THSD7B: variants seen among roughly 807,000 people sequenced by gnomAD.
The protein encoded by THSD7B is thrombospondin type 1 domain containing 7B.
In THSD7B, 138 loss-of-function variants were observed where a neutral mutation model predicts 213.6. The observed-to-expected ratio is 0.65, with a 90% confidence interval of 0.56 to 0.74. THSD7B has a LOEUF of 0.74. Ranked by LOEUF, THSD7B falls within the 30% of genes least tolerant of loss-of-function variation. The pLI, the probability that THSD7B is intolerant of heterozygous loss-of-function variation, is 0.00. For synonymous variants in THSD7B, 742 were observed against 687.0 expected, an observed-to-expected ratio of 1.08 and a Z score of -1.25; for missense variants, 1,931 against 1,991.5, an observed-to-expected ratio of 0.97 and a Z score of 0.58.
At chr2:137,341,107 CTTG>C (rs1684752011) in intron 12 of THSD7B, among the ~76,000 whole-genome samples, 1 of 150,556 alleles carries the variant, frequency 6.6e-6, no homozygotes, top group Non-Finnish European at 1.5e-5. Flanking sequence ...CTTGCCAACA[CTTG>C]TTATCTTTTA....
intron 15 of THSD7B, among the ~76,000 whole-genome samples, chr2:137,513,972 T>C (rs2105156329): frequency 6.6e-6 from 1 of 152,378 alleles, no homozygotes; most frequent in South Asian, 2.1e-4. Context: ...AGTTGCTTTC[T>C]ATCTCTATGC....
At chr2:136,866,914 T>A (rs1683343012) in intron 1 of THSD7B, among the ~76,000 whole-genome samples, 1 of 150,238 alleles carries the variant, frequency 6.7e-6, no homozygotes, top group Non-Finnish European at 1.5e-5. Context: ...TCCATATGTG[T>A]TTGAGGTTGC....
At chr2:137,441,387 G>A (rs560920898) in intron 14 of THSD7B, among the ~76,000 whole-genome samples, 5 of 152,194 alleles carry the variant, frequency 3.3e-5, no homozygotes, top group African/African-American at 1.2e-4. Context: ...TTATTGTAGA[G>A]AATATTTGAC....
chr2:137,415,073 T>C (rs1034218423), intron 14 of THSD7B, among the ~76,000 whole-genome samples: 1 of 72,216 alleles, frequency 1.4e-5, no homozygotes, highest in Non-Finnish European at 3.4e-5. Context: ...AAAAAAAAAT[T>C]ATTATCATGG....
intron 14 of THSD7B, among the ~76,000 whole-genome samples, 167 bp from the exon 15 acceptor site, chr2:137,450,678 G>A (rs1165071748): frequency 6.6e-6 from 1 of 152,114 alleles, no homozygotes; most frequent in Non-Finnish European, 1.5e-5. Context: ...GAATGCAGAT[G>A]TCATATTTAT....
intron 15 of THSD7B, among the ~76,000 whole-genome samples, chr2:137,545,884 G>C (rs1680697663): frequency 6.6e-6 from 1 of 151,742 alleles, no homozygotes; most frequent in Admixed American, 6.6e-5. Context: ...TCTGCCTGTA[G>C]TTATGCATGG....
chr2:136,854,690 A>T (rs1476164515), intron 1 of THSD7B, among the ~76,000 whole-genome samples: 1 of 151,410 alleles, frequency 6.6e-6, no homozygotes, highest in East Asian at 1.9e-4. Context: ...CAACTAGATC[A>T]CTTTCAATGA....
intron 15 of THSD7B, among the ~76,000 whole-genome samples, chr2:137,497,824 T>A (rs1679606316): frequency 6.6e-6 from 1 of 152,184 alleles, no homozygotes; most frequent in South Asian, 2.1e-4. Flanking sequence ...ATTTTTAAAG[T>A]CCCACATATG....
chr2:137,625,873 C>T (rs1682617349), intron 20 of THSD7B, among the ~76,000 whole-genome samples: 1 of 152,244 alleles, frequency 6.6e-6, no homozygotes, highest in Non-Finnish European at 1.5e-5. Flanking sequence ...CTTTCTGACA[C>T]ATCCTCTGAA....
chr2:137,166,020 C>G (rs182162811), intron 6 of THSD7B, among the ~76,000 whole-genome samples: 55 of 152,268 alleles, frequency 3.6e-4, no homozygotes, highest in Middle Eastern at 3.4e-3. Flanking sequence ...AAATTAGTTA[C>G]TATAGAAATT....
At chr2:137,039,540 T>A (rs1035862182) in intron 2 of THSD7B, among the ~76,000 whole-genome samples, 1 of 152,174 alleles carries the variant, frequency 6.6e-6, no homozygotes, top group African/African-American at 2.4e-5. Flanking sequence ...AGTGCCAAAC[T>A]TGAGGAAGTT....
intron 12 of THSD7B, among the ~76,000 whole-genome samples, chr2:137,324,570 G>T (rs192323146): frequency 2.6e-5 from 4 of 152,094 alleles, no homozygotes; most frequent in Non-Finnish European, 5.9e-5. Flanking sequence ...AGTTAAAGGG[G>T]TATAAATTAC....
chr2:137,531,646 A>G (rs993981589), intron 15 of THSD7B, among the ~76,000 whole-genome samples: 2 of 151,994 alleles, frequency 1.3e-5, no homozygotes, highest in African/African-American at 4.8e-5. Flanking sequence ...GACCAGTTAC[A>G]CCTGCAGTTA....
At chr2:137,076,402 T>G (rs956464010) in intron 3 of THSD7B, among the ~76,000 whole-genome samples, 1 of 152,344 alleles carries the variant, frequency 6.6e-6, no homozygotes, top group South Asian at 2.1e-4. Context: ...GTGAGGGATA[T>G]AATCTCCTGG....
chr2:137,157,264 G>C (rs1679926921), intron 5 of THSD7B, among the ~76,000 whole-genome samples: 1 of 152,178 alleles, frequency 6.6e-6, no homozygotes, highest in South Asian at 2.1e-4. Flanking sequence ...TTGTGAGCTG[G>C]TGCCCCACAG....
intron 14 of THSD7B, among the ~76,000 whole-genome samples, chr2:137,428,933 T>C (rs1687116215): frequency 6.6e-6 from 1 of 152,152 alleles, no homozygotes; most frequent in Non-Finnish European, 1.5e-5. Context: ...GTCACTTTTT[T>C]CCCCTTCTGC....
intron 1 of THSD7B, among the ~76,000 whole-genome samples, chr2:136,828,785 G>A (rs1467586167): frequency 6.6e-6 from 1 of 152,086 alleles, no homozygotes; most frequent in Non-Finnish European, 1.5e-5. Context: ...TTAGTATGAG[G>A]GTCACTTCTT....
At chr2:137,310,020 C>G (rs1573951474) in intron 12 of THSD7B, among the ~76,000 whole-genome samples, 1 of 150,992 alleles carries the variant, frequency 6.6e-6, no homozygotes, top group Non-Finnish European at 1.5e-5. Context: ...GGGTATATAC[C>G]CAGTAATGGG....
intron 1 of THSD7B, among the ~76,000 whole-genome samples, chr2:136,827,575 G>T (rs1682668739): frequency 6.6e-6 from 1 of 152,080 alleles, no homozygotes; most frequent in African/African-American, 2.4e-5. Flanking sequence ...GGGTGATGAG[G>T]GGCAGAAAGA....
Sources: allele counts gnomAD v4.1 joint callset (sites outside exome capture counted in the v4.1 genomes callset), GRCh38; gene constraint gnomAD v4.1.1; transcripts MANE v1.5; gene names NCBI Gene and HGNC (gene_info 2026-07-23, HGNC 2026-07-21).